The following RTN4RL1 variants were observed in gnomAD, a reference collection of about 807,000 sequenced individuals.
RTN4RL1 encodes reticulon-4 receptor-like 1.
Under a neutral mutation model 25.6 loss-of-function variants are expected in RTN4RL1, and 7 were observed. That is an observed-to-expected ratio of 0.27 (90% CI 0.16 to 0.51). The LOEUF is 0.51. Among genes scored for constraint, RTN4RL1 ranks in the 20% least tolerant of loss-of-function variants. The pLI is 0.97. For synonymous variants in RTN4RL1, 297 were observed against 288.2 expected (o/e 1.03, Z -0.31); for missense variants, 500 against 615.6 (o/e 0.81, Z 1.99).
chr17:2,001,337 G>A (rs142258999), intron 1 of RTN4RL1: 6,791 of 152,052 alleles, frequency 0.045, 204 homozygotes, highest in Middle Eastern at 0.084. Flanking sequence ...CTCCGCCTCC[G>A]GGTTCACACC....
Position 1,998,341 on chromosome 17 carries a change from G to T in RTN4RL1, c.13+26512C>A, listed in dbSNP as rs906369051. Reference sequence around the variant, plus strand: ...TTTGGGCACCGGCCCCGCCCGGGAGGGTCTTCTCGCTCTAGAGCCGGGGGC... The same window carrying T: ...TTTGGGCACCGGCCCCGCCCGGGAGTGTCTTCTCGCTCTAGAGCCGGGGGC... On this transcript the variant is annotated intron_variant, in intron 1 of 1. Coordinates refer to ENST00000331238, the MANE Select transcript of RTN4RL1 (RefSeq NM_178568.4). The surrounding 1 kb of genome is among the most constrained non-coding windows in gnomAD (Gnocchi z 4.9). Among the ~76,000 whole-genome samples the T allele has an allele frequency of 2.0e-5, 3 of 152,156 alleles. No homozygotes were observed. The highest frequency in any genetic ancestry group is 6.5e-5 in the Admixed American group (1 of 15,278).
At chr17:2,024,458 G>A (rs1329350423) in intron 1 of RTN4RL1, among the ~76,000 whole-genome samples, 1 of 151,586 alleles carries the variant, frequency 6.6e-6, no homozygotes, top group African/African-American at 2.4e-5. Context: ...GGCGCCGTGC[G>A]GACTCGGCCT....
Position 1,936,145 on chromosome 17 carries a change from C to T in RTN4RL1, c.*351G>A, listed in dbSNP as rs564570189. On this transcript the variant is annotated 3_prime_UTR_variant, in exon 2 of 2. Coordinates refer to ENST00000331238, the MANE Select transcript of RTN4RL1 (RefSeq NM_178568.4). ...GGCCCTCCAGACCTCTCGGAACGATCGGGATTCCACAGAGCCCCGGTGCCG... is the reference window on the plus strand; with the variant it reads ...GGCCCTCCAGACCTCTCGGAACGATTGGGATTCCACAGAGCCCCGGTGCCG... The T allele has an allele frequency of 2.0e-4, 221 of 1,088,954 alleles. 2 individuals are homozygous for T. In the African/African-American group the frequency reaches 3.2e-3, roughly 16 times the overall value. 67.5% of individuals were successfully genotyped at this position (1,088,954 alleles called of 1,614,324 possible). A position where few individuals can be genotyped will look rare whatever the true frequency, so the allele number is the denominator to read the frequency against.
intron 1 of RTN4RL1, among the ~76,000 whole-genome samples, chr17:2,008,623 CA>C: frequency 6.6e-6 from 1 of 152,200 alleles, no homozygotes; most frequent in East Asian, 1.9e-4. Context: ...TTGAGTCAAC[CA>C]ACCTCCTCCT....
chr17:1,941,618 C>G (rs984232877), intron 1 of RTN4RL1, among the ~76,000 whole-genome samples: 1 of 152,062 alleles, frequency 6.6e-6, no homozygotes, highest in African/African-American at 2.4e-5. Flanking sequence ...GGGGGGGATC[C>G]GAGCCCGGGG....
intron 1 of RTN4RL1, among the ~76,000 whole-genome samples, chr17:1,974,904 C>T (rs1171651000): frequency 6.6e-6 from 1 of 152,248 alleles, no homozygotes; most frequent in Admixed American, 6.5e-5. Flanking sequence ...ATGGGATGTC[C>T]CAGCACCTTT....
intron 1 of RTN4RL1, among the ~76,000 whole-genome samples, chr17:1,972,896 C>G (rs1289788099): frequency 1.3e-5 from 2 of 152,222 alleles, no homozygotes; most frequent in African/African-American, 4.8e-5. Flanking sequence ...CTGGCTGGAG[C>G]TGGACTTCTC....
intron 1 of RTN4RL1, among the ~76,000 whole-genome samples, chr17:1,980,926 CAAAAAAAAAA>C (rs71723916): frequency 1.1e-5 from 1 of 87,148 alleles, no homozygotes; most frequent in Non-Finnish European, 2.1e-5. Flanking sequence ...GATTCTATCT[CAAAAAAAAAA>C]AAAAAAAAAA....
intron 1 of RTN4RL1, among the ~76,000 whole-genome samples, chr17:1,997,660 A>G (rs80326184): frequency 0.011 from 1,732 of 152,308 alleles, 17 homozygotes; most frequent in South Asian, 0.035. Flanking sequence ...ACACTAAGGT[A>G]TCCTACTCCA....
In RTN4RL1 at chr17:1,936,426, A is replaced by C; in HGVS notation, c.*70T>G. 2.0e-6 allele frequency: 3 copies of C among 1,464,366 alleles called. No individual in the cohort carries two copies. Among genetic ancestry groups the C allele is most frequent in the Non-Finnish European group, 2.7e-6 (3 of 1,114,100 alleles). The allele number at this position is 1,464,366 out of a possible 1,614,324, so 90.7% of individuals were successfully genotyped here. A position where few individuals can be genotyped will look rare whatever the true frequency, so the allele number is the denominator to read the frequency against. ...AACCCAGCAGATCTTCCACTTGTTA[A>C]AAAAAGAAGAAAATAAATTCTGTTC... On this transcript the variant is annotated 3_prime_UTR_variant, in exon 2 of 2. Transcript: ENST00000331238.
chr17:2,019,896 G>A (rs1442575678), intron 1 of RTN4RL1: 1 of 152,266 alleles, frequency 6.6e-6, no homozygotes, highest in Non-Finnish European at 1.5e-5. Context: ...TATGTTGTCT[G>A]AGCTCACAGG....
intron 1 of RTN4RL1, among the ~76,000 whole-genome samples, chr17:1,966,335 T>G (rs1429911525): frequency 6.6e-6 from 1 of 152,190 alleles, no homozygotes; most frequent in Non-Finnish European, 1.5e-5. Context: ...CCCCCTCTCC[T>G]GTCAGGAGCA....
chr17:1,983,775 C>A (rs2066877033), intron 1 of RTN4RL1, among the ~76,000 whole-genome samples: 1 of 152,060 alleles, frequency 6.6e-6, no homozygotes, highest in Non-Finnish European at 1.5e-5. Context: ...CTCCTGGGCT[C>A]AAGCAATCCT....
At chr17:1,967,495 C>T (rs1039296141) in intron 1 of RTN4RL1, among the ~76,000 whole-genome samples, 12 of 152,148 alleles carry the variant, frequency 7.9e-5, no homozygotes, top group Non-Finnish European at 1.5e-4. Context: ...CTGCCTCACT[C>T]TCCTGCCCTT....
intron 1 of RTN4RL1, among the ~76,000 whole-genome samples, chr17:1,942,748 G>A (rs1597486827): frequency 6.6e-6 from 1 of 152,058 alleles, no homozygotes; most frequent in African/African-American, 2.4e-5. Flanking sequence ...CTGAGCACGG[G>A]AAGCCACCCT....
At chr17:2,016,055 T>C (rs2067117939) in intron 1 of RTN4RL1, among the ~76,000 whole-genome samples, 1 of 152,056 alleles carries the variant, frequency 6.6e-6, no homozygotes. Flanking sequence ...GCTCTGACAT[T>C]AGGTACCATT....
chr17:1,947,893 T>C (rs1915590112), intron 1 of RTN4RL1, among the ~76,000 whole-genome samples: 1 of 152,218 alleles, frequency 6.6e-6, no homozygotes, highest in South Asian at 2.1e-4. Flanking sequence ...GTCTGGGAAC[T>C]GCGGGTCAGA....
At chr17:1,980,230 A>ATTTT (rs34130716) in intron 1 of RTN4RL1, among the ~76,000 whole-genome samples, 1 of 126,388 alleles carries the variant, frequency 7.9e-6, no homozygotes, top group African/African-American at 3.1e-5. Context: ...CGCTCAGCTA[A>ATTTT]TTTTTTTTTT....
At chr17:1,968,940 C>T (rs1460874594) in intron 1 of RTN4RL1, among the ~76,000 whole-genome samples, 2 of 152,188 alleles carry the variant, frequency 1.3e-5, no homozygotes, top group Non-Finnish European at 2.9e-5. Context: ...AAATAGAACT[C>T]TGACCCATGG....
Sources: allele counts gnomAD v4.1 joint callset (sites outside exome capture counted in the v4.1 genomes callset), GRCh38; gene constraint gnomAD v4.1.1; non-coding constraint Gnocchi (gnomAD v3.1); transcripts MANE v1.5; gene names NCBI Gene and HGNC (gene_info 2026-07-23, HGNC 2026-07-21).